Variants in DPEP3 observed in about 807,000 individuals in gnomAD.
DPEP3 encodes membrane-bound dipeptidase 3.
A neutral mutation model predicts 47.5 loss-of-function variants in DPEP3; 42 were observed. That is an observed-to-expected ratio of 0.88 (90% CI 0.69 to 1.14). The LOEUF is 1.14. Ranked by LOEUF, DPEP3 falls within the 50% of genes most tolerant of loss-of-function variation. The pLI is 0.00. For missense variants in DPEP3, 560 were observed against 635.0 expected (o/e 0.88, Z 1.27); for synonymous variants, 276 against 270.2 (o/e 1.02, Z -0.21).
At chr16:67,979,843 C>T in intron 1 of DPEP3, 78 bp from the exon 2 acceptor site, 1 of 1,568,808 alleles carries the variant, frequency 6.4e-7, no homozygotes, top group South Asian at 1.2e-5. Flanking sequence ...CTACCCTCCT[C>T]CACCCCACCA....
At position 67,978,065 on chromosome 16, in the gene DPEP3, T is replaced by C; in HGVS notation, c.687-58A>G. On this transcript the variant is annotated intron_variant, in intron 4 of 9. Transcript: ENST00000268793. The surrounding 1 kb of genome is among the most constrained non-coding windows in gnomAD (Gnocchi z 4.4). The stretch of plus-strand genomic sequence containing the variant: ...GATCACACCTTGGGCCATCACAGCC[T>C]GGGGGCCCTGGCTCTATCCATCCAT... 1 of 1,598,774 alleles carries C rather than the reference T, an allele frequency of 6.3e-7. No individual in the cohort carries two copies. Among genetic ancestry groups the C allele is most frequent in the Non-Finnish European group, 8.6e-7 (1 of 1,166,576 alleles).
Position 67,980,132 on chromosome 16 carries a change from G to A in DPEP3, c.249C>T (p.Arg83=), listed in dbSNP as rs529417241. ...GGAAACTCCGCATCAGGGCCTGCGC[G>A]CGACCCCGAAGGTCCAGGGTTTTGG... ...GTPKTLDLRG[R]AQALMRSFPL... Residue 83 remains arginine, a synonymous_variant, in exon 1 of 10, where the codon CGC becomes CGT. Transcript: ENST00000268793. The A allele has an allele frequency of 8.7e-5, 140 of 1,612,724 alleles. No individual in the cohort carries two copies. The highest frequency in any genetic ancestry group is 7.2e-4 in the Admixed American group (43 of 59,714).
Position 67,978,634 on chromosome 16 carries a change from T to C in DPEP3, c.415-8A>G. Reference sequence around the variant, plus strand: ...GACGGAGGCTGACCAGAACTGAGGGTAGGTCAAGGGGTCCAGAATGAGGCC... The same window carrying C: ...GACGGAGGCTGACCAGAACTGAGGGCAGGTCAAGGGGTCCAGAATGAGGCC... On this transcript the variant is annotated splice_polypyrimidine_tract_variant and splice_region_variant and intron_variant, in intron 2 of 9. Transcript: ENST00000268793. The surrounding 1 kb of genome is among the most constrained non-coding windows in gnomAD (Gnocchi z 4.4). The C allele has an allele frequency of 6.2e-7, 1 of 1,613,554 alleles. No individual in the cohort carries two copies. Among genetic ancestry groups the C allele is most frequent in the African/African-American group, 1.3e-5 (1 of 74,974 alleles).
chr16:67,980,071 G>T, intron 1 of DPEP3, 23 bp downstream of exon 1: 1 of 1,594,632 alleles, frequency 6.3e-7, no homozygotes. Flanking sequence ...ACCCCGCGTT[G>T]CCCAAACGCT....
chr16:67,980,049 A>C (rs763237524), intron 1 of DPEP3, 45 bp downstream of exon 1: 1 of 1,566,210 alleles, frequency 6.4e-7, no homozygotes, highest in South Asian at 1.2e-5. Flanking sequence ...TCTCCTGCCC[A>C]AGGGTGTGCT....
Position 67,976,723 on chromosome 16 carries a change from AC to A in DPEP3, c.1070del (p.Gly357ValfsTer23). 6.2e-7 allele frequency: 1 copy of A among 1,614,056 alleles called. No individual in the cohort carries two copies. The highest frequency in any genetic ancestry group is 8.5e-7 in the Non-Finnish European group (1 of 1,179,980). On this transcript the variant is annotated frameshift_variant, in exon 8 of 10. Coordinates refer to ENST00000268793, the MANE Select transcript of DPEP3 (RefSeq NM_001370198.1). LOFTEE classifies it high-confidence loss of function. The part of the protein sequence containing the change: ...AVIGSEFIGI[G>X]GNYDGTGRFP... ...ACCGGCCAGTCCCGTCATAATTTCC[AC>A]CAATCCCGATGAACTCAGATCCAAT...
At position 67,978,050 on chromosome 16, in the gene DPEP3, T is replaced by C; in HGVS notation, c.687-43A>G. 6.2e-7 allele frequency: 1 copy of C among 1,611,452 alleles called. No homozygotes were observed. ...AAGGGCAATTTAGCTGATCACACCT[T>C]GGGCCATCACAGCCTGGGGGCCCTG... On this transcript the variant is annotated intron_variant, in intron 4 of 9. Transcript: ENST00000268793. This position sits in a 1 kb window ranked among gnomAD's most constrained non-coding sequence, Gnocchi z 4.4.
Position 67,976,082 on chromosome 16 carries a change from G to T in DPEP3, c.1230+11C>A, listed in dbSNP as rs761098052. On this transcript the variant is annotated intron_variant, in intron 9 of 9. Coordinates refer to ENST00000268793, the MANE Select transcript of DPEP3 (RefSeq NM_001370198.1). ...AACCACTGAACCATCCTGTCCACCA[G>T]CCCAGCTTACCTTTTCCACTTGTCT... is the stretch of plus-strand genomic sequence containing the variant. 2 of 1,614,152 alleles carry T rather than the reference G, an allele frequency of 1.2e-6. No individual in the cohort carries two copies. Among genetic ancestry groups the T allele is most frequent in the Non-Finnish European group, 1.7e-6 (2 of 1,180,002 alleles).
In DPEP3 at chr16:67,979,788, GA is replaced by G. The variant is rs2031282803; in HGVS notation, c.288-24del. The G allele has an allele frequency of 1.9e-6, 3 of 1,612,886 alleles. No individual in the cohort carries two copies. In the African/African-American group the frequency reaches 4.0e-5, roughly 22 times the overall value. Reference sequence around the variant, plus strand: ...TGGCTGGGGGTGTGAAGGTCAGATGGAAACACCGCCTCCAGATCAGTCAGGA... The same window carrying G: ...TGGCTGGGGGTGTGAAGGTCAGATGGAACACCGCCTCCAGATCAGTCAGGA... On this transcript the variant is annotated intron_variant, in intron 1 of 9. Coordinates refer to ENST00000268793, the MANE Select transcript of DPEP3 (RefSeq NM_001370198.1).
intron 1 of DPEP3, 148 bp from the exon 2 acceptor site, chr16:67,979,913 T>C (rs1433248362): frequency 4.9e-6 from 7 of 1,415,096 alleles, no homozygotes; most frequent in Non-Finnish European, 6.6e-6. Context: ...GGGAGGGGGT[T>C]AGATTCCACC....
intron 2 of DPEP3, among the ~76,000 whole-genome samples, chr16:67,979,230 C>T (rs188080893): frequency 9.9e-5 from 15 of 152,234 alleles, no homozygotes; most frequent in African/African-American, 3.1e-4. Flanking sequence ...TGCTTGAACC[C>T]GGGAGGCGGA....
intron 8 of DPEP3, 72 bp from the exon 9 acceptor site, chr16:67,976,300 C>G: frequency 6.3e-7 from 1 of 1,586,722 alleles, no homozygotes; most frequent in Non-Finnish European, 8.6e-7. Context: ...TGCCCACCAG[C>G]CCTAGTCACA....
chr16:67,976,274 C>T, intron 8 of DPEP3, 46 bp from the exon 9 acceptor site: 1 of 1,609,012 alleles, frequency 6.2e-7, no homozygotes, highest in Non-Finnish European at 8.5e-7. Flanking sequence ...AGCCCTGATC[C>T]TGGGTTGGGG....
In DPEP3 at chr16:67,976,700, C is replaced by T. The variant is rs373805562; in HGVS notation, c.1094G>A (p.Arg365Gln). ...GIGGNYDGTG[R>Q]FPQGLEDVST... is the part of the protein sequence containing the mutation. ...AGAGAAACCTCAGGGAAGCACTCAC[C>T]GGCCAGTCCCGTCATAATTTCCACC... Residue 365 changes from arginine (R) to glutamine (Q), a missense_variant and splice_region_variant, in exon 8 of 10, where the codon CGG (arginine) becomes CAG (glutamine). By Grantham distance (43) the Arg-to-Gln change is conservative. Transcript: ENST00000268793. The T allele has an allele frequency of 5.6e-6, 9 of 1,613,724 alleles. No homozygotes were observed. Among genetic ancestry groups the T allele is most frequent in the East Asian group, 4.5e-5 (2 of 44,900 alleles).
chr16:67,980,026 G>A lies in DPEP3; in HGVS notation c.287+68C>T. 8 of 1,536,402 alleles carry A rather than the reference G, an allele frequency of 5.2e-6. No individual in the cohort carries two copies. In the South Asian group the frequency reaches 1.0e-4, roughly 20 times the overall value. On this transcript the variant is annotated intron_variant, in intron 1 of 9. Transcript: ENST00000268793. Reference sequence around the variant, plus strand: ...TCCTTGATAGCCTCCTTGATAGCATGCTCAGAACCTCCTCTCCTGCCCAAG... The same window carrying A: ...TCCTTGATAGCCTCCTTGATAGCATACTCAGAACCTCCTCTCCTGCCCAAG...
chr16:67,980,246 G>C lies in DPEP3; in HGVS notation c.135C>G (p.Ala45=). The C allele has an allele frequency of 1.2e-6, 2 of 1,605,800 alleles. No homozygotes were observed. The highest frequency in any genetic ancestry group is 1.7e-6 in the Non-Finnish European group (2 of 1,176,960). The stretch of plus-strand genomic sequence containing the variant: ...GGCTGGGGGAGCCCAGCGTGGAGAG[G>C]GCTCTGGGGGCGCCCGGCGTGGTCT... The part of the protein sequence containing the change: ...RAETTPGAPR[A]LSTLGSPSLF... The change falls in exon 1 of 10, where the codon GCC becomes GCG. Residue 45 remains alanine, a synonymous_variant. Transcript: ENST00000268793.
chr16:67,978,863 C>T lies in DPEP3; in HGVS notation c.415-237G>A, dbSNP rs188138161. Among the ~76,000 whole-genome samples the T allele has an allele frequency of 1.3e-5, 2 of 152,180 alleles. No homozygotes were observed. The highest frequency in any genetic ancestry group is 4.8e-5 in the African/African-American group (2 of 41,516). ...CTAGAGTGCAGTGGTGTGATCATGG[C>T]TCACTGCAGCCTTGACCCCCCAGGC... On this transcript the variant is annotated intron_variant, in intron 2 of 9. Coordinates refer to ENST00000268793, the MANE Select transcript of DPEP3 (RefSeq NM_001370198.1). The surrounding 1 kb of genome is among the most constrained non-coding windows in gnomAD (Gnocchi z 4.4).
chr16:67,975,682 T>C lies in DPEP3; in HGVS notation c.*83A>G, dbSNP rs973511659. 3.8e-6 allele frequency: 5 copies of C among 1,330,702 alleles called. No individual in the cohort carries two copies. The highest frequency in any genetic ancestry group is 5.2e-6 in the Non-Finnish European group (5 of 960,836). 82.4% of individuals were successfully genotyped at this position (1,330,702 alleles called of 1,614,324 possible). Reference sequence around the variant, plus strand: ...CCTGGCTCCATGTGTAACATGTTTATTCTCAGCATATGCTTGTGAATGAAC... The same window carrying C: ...CCTGGCTCCATGTGTAACATGTTTACTCTCAGCATATGCTTGTGAATGAAC... On this transcript the variant is annotated 3_prime_UTR_variant, in exon 10 of 10. Transcript: ENST00000268793.
chr16:67,977,250 A>G lies in DPEP3; in HGVS notation c.1018+20T>C. The G allele has an allele frequency of 1.2e-6, 2 of 1,612,314 alleles. No homozygotes were observed. Among genetic ancestry groups the G allele is most frequent in the Non-Finnish European group, 1.7e-6 (2 of 1,178,966 alleles). On this transcript the variant is annotated intron_variant, in intron 7 of 9. Transcript: ENST00000268793. ...GCCACAGCCCAAGCCAGCACTGCAC[A>G]AAGCTGAGGTGGGACTTACCTGCCA... is the stretch of plus-strand genomic sequence containing the variant.
Sources: allele counts gnomAD v4.1 joint callset (sites outside exome capture counted in the v4.1 genomes callset), GRCh38; gene constraint gnomAD v4.1.1; non-coding constraint Gnocchi (gnomAD v3.1); transcripts MANE v1.5; gene names NCBI Gene and HGNC (gene_info 2026-07-23, HGNC 2026-07-21).